Variants in PTPRD observed in about 807,000 individuals in gnomAD.
PTPRD encodes the protein receptor-type tyrosine-protein phosphatase delta.
Under a neutral mutation model 214.5 loss-of-function variants are expected in PTPRD, and 34 were observed. The ratio of observed to expected loss-of-function variants is 0.16; its 90% confidence interval spans 0.12 to 0.21. PTPRD has a LOEUF of 0.21. PTPRD is among the 10% of genes least tolerant of loss of function. The pLI, the probability that PTPRD is intolerant of heterozygous loss-of-function variation, is 1.00. For synonymous variants in PTPRD, 1,128 were observed against 845.7 expected, an observed-to-expected ratio of 1.33 and a Z score of -5.79; for missense variants, 2,545 against 2,398.7, an observed-to-expected ratio of 1.06 and a Z score of -1.27.
At chr9:9,916,521 C>G (rs2080860111) in intron 5 of PTPRD, among the ~76,000 whole-genome samples, 3 of 151,658 alleles carry the variant, frequency 2.0e-5, no homozygotes, top group Admixed American at 1.3e-4. Flanking sequence ...AAAATCCTCT[C>G]TCTATATATA....
chr9:10,328,847 T>C (rs138282689), intron 3 of PTPRD, among the ~76,000 whole-genome samples: 165 of 151,886 alleles, frequency 1.1e-3, no homozygotes, highest in African/African-American at 3.7e-3. Context: ...CCAACTCTGA[T>C]AGGACAAAAT....
intron 14 of PTPRD, among the ~76,000 whole-genome samples, chr9:8,628,782 T>C (rs1213956455): frequency 6.6e-6 from 1 of 151,866 alleles, no homozygotes; most frequent in Admixed American, 6.6e-5. Context: ...AAATAATATA[T>C]TTATATGTAA....
intron 9 of PTPRD, among the ~76,000 whole-genome samples, chr9:9,340,482 A>G (rs950362580): frequency 6.6e-6 from 1 of 152,238 alleles, no homozygotes; most frequent in Non-Finnish European, 1.5e-5. Context: ...ATGACACCGA[A>G]TGCTACAAGT....
chr9:9,583,933 T>C (rs1470512888), intron 7 of PTPRD, among the ~76,000 whole-genome samples: 1 of 152,084 alleles, frequency 6.6e-6, no homozygotes, highest in Non-Finnish European at 1.5e-5. Flanking sequence ...GAAACTATCC[T>C]GTATTCTCTT....
At chr9:9,596,244 T>C (rs569940192) in intron 7 of PTPRD, among the ~76,000 whole-genome samples, 1 of 152,092 alleles carries the variant, frequency 6.6e-6, no homozygotes, top group Non-Finnish European at 1.5e-5. Flanking sequence ...TTAATGAATA[T>C]TTTGTGATAT....
At chr9:10,491,671 G>C (rs551944560) in intron 2 of PTPRD, among the ~76,000 whole-genome samples, 1 of 151,374 alleles carries the variant, frequency 6.6e-6, no homozygotes, top group African/African-American at 2.4e-5. Flanking sequence ...AGAGAAAAAA[G>C]TAGTATTTCT....
At chr9:10,556,877 A>G (rs2062730670) in intron 2 of PTPRD, among the ~76,000 whole-genome samples, 1 of 152,284 alleles carries the variant, frequency 6.6e-6, no homozygotes, top group Admixed American at 6.5e-5. Context: ...TACAATCAAG[A>G]GTGAAAAAAA....
At chr9:9,213,117 G>C (rs2099949871) in intron 9 of PTPRD, among the ~76,000 whole-genome samples, 1 of 152,168 alleles carries the variant, frequency 6.6e-6, no homozygotes, top group Non-Finnish European at 1.5e-5. Context: ...TTATGTGAAA[G>C]TTCTAACTCG....
At chr9:9,925,988 C>A (rs2084160373) in intron 5 of PTPRD, among the ~76,000 whole-genome samples, 1 of 151,934 alleles carries the variant, frequency 6.6e-6, no homozygotes, top group South Asian at 2.1e-4. Context: ...AGCACCATGC[C>A]TAGAAAATTT....
intron 2 of PTPRD, among the ~76,000 whole-genome samples, chr9:10,356,341 A>G (rs2097277002): frequency 6.6e-6 from 1 of 152,188 alleles, no homozygotes; most frequent in African/African-American, 2.4e-5. Context: ...ATGAAGGGAT[A>G]CATAAGACTC....
intron 11 of PTPRD, among the ~76,000 whole-genome samples, chr9:8,821,608 T>A (rs2097065654): frequency 6.6e-6 from 1 of 152,214 alleles, no homozygotes. Context: ...AACAACTAAC[T>A]GGCCTGGCTC....
intron 10 of PTPRD, among the ~76,000 whole-genome samples, chr9:9,055,126 G>A (rs1005321111): frequency 6.6e-6 from 1 of 152,046 alleles, no homozygotes; most frequent in Non-Finnish European, 1.5e-5. Context: ...ACAAATAAGT[G>A]ACAATATTTT....
chr9:9,692,345 G>T (rs953136794), intron 7 of PTPRD, among the ~76,000 whole-genome samples: 1 of 151,986 alleles, frequency 6.6e-6, no homozygotes, highest in Non-Finnish European at 1.5e-5. Context: ...TTCTGCATAT[G>T]GATATCCAGT....
chr9:9,854,724 C>T (rs538410070), intron 5 of PTPRD, among the ~76,000 whole-genome samples: 5 of 152,026 alleles, frequency 3.3e-5, no homozygotes, highest in Non-Finnish European at 5.9e-5. Flanking sequence ...CTTTCAACTT[C>T]ATCTTTTCAG....
At chr9:10,243,067 A>C (rs775284970) in intron 3 of PTPRD, among the ~76,000 whole-genome samples, 1 of 151,980 alleles carries the variant, frequency 6.6e-6, no homozygotes, top group Non-Finnish European at 1.5e-5. Flanking sequence ...ACACAGCCTG[A>C]GGCAATTTAG....
rs139018994 is a variant in PTPRD at position 9,952,049 on chromosome 9, T to C, written c.-471-13439A>G. ...ATGCTGGAATATTTTTGGCAAAGTA[T>C]TGAGGAGGGACAGAGGCTGAGGATG... On this transcript the variant is annotated intron_variant, in intron 4 of 45. Coordinates refer to ENST00000381196, the MANE Select transcript of PTPRD (RefSeq NM_002839.4). 8.4e-3 allele frequency among the ~76,000 whole-genome samples: 1,281 copies of C among 152,132 alleles called. 19 individuals are homozygous for C. The highest frequency in any genetic ancestry group is 0.028 in the African/African-American group (1,155 of 41,500).
At chr9:9,481,211 T>C (rs1242032693) in intron 8 of PTPRD, among the ~76,000 whole-genome samples, 1 of 152,126 alleles carries the variant, frequency 6.6e-6, no homozygotes, top group East Asian at 1.9e-4. Flanking sequence ...ATATTTTTAG[T>C]ATTTATTACC....
At chr9:9,566,139 C>A (rs1472732280) in intron 8 of PTPRD, among the ~76,000 whole-genome samples, 3 of 151,598 alleles carry the variant, frequency 2.0e-5, no homozygotes, top group Non-Finnish European at 2.9e-5. Context: ...TTTTTCTTTT[C>A]CAGTACTTAT....
At chr9:8,748,084 G>A (rs1264912877) in intron 11 of PTPRD, among the ~76,000 whole-genome samples, 1 of 152,110 alleles carries the variant, frequency 6.6e-6, no homozygotes, top group African/African-American at 2.4e-5. Context: ...CCCCTCCTGA[G>A]GAAATCTCAA....
Sources: gnomAD v4.1 joint callset for allele counts (sites outside exome capture counted in the v4.1 genomes callset) on GRCh38, gnomAD v4.1.1 for gene constraint, MANE v1.5 for transcripts, NCBI Gene and HGNC (gene_info 2026-07-23, HGNC 2026-07-21) for gene names.